Variants in ODF2 observed in about 807,000 individuals in gnomAD.
ODF2 encodes outer dense fiber of sperm tails 2.
ODF2 carries 47 observed loss-of-function variants against 110.2 expected under a neutral mutation model. That is an observed-to-expected ratio of 0.43 (90% CI 0.34 to 0.54). The LOEUF is 0.54. Among genes scored for constraint, ODF2 ranks in the 20% least tolerant of loss-of-function variants. The pLI is 0.03. For synonymous variants in ODF2, 352 were observed against 397.7 expected, an observed-to-expected ratio of 0.89 and a Z score of 1.37; for missense variants, 812 against 1,054.5, an observed-to-expected ratio of 0.77 and a Z score of 3.19.
At chr9:128,487,975 C>T (rs1476977266) in exon 14 of ODF2, 4 of 1,613,874 alleles carry the variant, frequency 2.5e-6, no homozygotes, top group African/African-American at 2.7e-5. Flanking sequence ...GAGACTACAC[C>T]GTCAGACTGC....
chr9:128,498,806 T>G (rs909836697), intron 19 of ODF2, among the ~76,000 whole-genome samples, 195 bp from the exon 20 acceptor site: 3 of 152,204 alleles, frequency 2.0e-5, no homozygotes, highest in Non-Finnish European at 4.4e-5. Context: ...AGGTGGTGAC[T>G]CCTGGAGCAC....
At chr9:128,481,551 T>C in intron 8 of ODF2, 29 bp from the exon 9 acceptor site, 1 of 1,578,294 alleles carries the variant, frequency 6.3e-7, no homozygotes, top group Non-Finnish European at 8.7e-7. Context: ...GCTTAATGAC[T>C]TGACTTTTTC....
chr9:128,477,875 AG>A (rs1841640485), intron 8 of ODF2, among the ~76,000 whole-genome samples: 2 of 152,186 alleles, frequency 1.3e-5, no homozygotes, highest in Admixed American at 6.5e-5. Flanking sequence ...CTGGGATTAC[AG>A]GGGTGAGCCA....
At chr9:128,499,001 G>A in exon 20 of ODF2, 1 of 1,613,598 alleles carries the variant, frequency 6.2e-7, no homozygotes. Flanking sequence ...GAATGTGCAG[G>A]TGGAACAAAC....
chr9:128,488,029 C>T lies in ODF2; in HGVS notation c.1536+4C>T, dbSNP rs558655725. The T allele has an allele frequency of 9.3e-6, 15 of 1,613,542 alleles. No individual in the cohort carries two copies. The African/African-American group carries it at 1.5e-4, about 16-fold the overall frequency. Reference sequence around the variant, plus strand: ...GCTGGAGAATGAGAGGCTGAAGGTTCGCAGTGAGAGCTGGGGACCAGGCAG... The same window carrying T: ...GCTGGAGAATGAGAGGCTGAAGGTTTGCAGTGAGAGCTGGGGACCAGGCAG... On this transcript the variant is annotated splice_donor_region_variant and intron_variant, in intron 14 of 20. Coordinates refer to ENST00000604420, the Ensembl canonical transcript of ODF2.
At chr9:128,500,983 T>C (rs1846379006), downstream of ODF2, 1 of 152,214 alleles carries the variant, frequency 6.6e-6, no homozygotes, top group Non-Finnish European at 1.5e-5. Context: ...TTTGATGATT[T>C]CCTTTACCCA....
chr9:128,497,504 C>T (rs1424481529), intron 18 of ODF2: 2 of 124,812 alleles, frequency 1.6e-5, no homozygotes, highest in Non-Finnish European at 3.3e-5. Context: ...ATTAGCCGGG[C>T]GCAGTGGCGG....
intron 17 of ODF2, among the ~76,000 whole-genome samples, chr9:128,495,061 G>A (rs1845352071): frequency 6.6e-6 from 1 of 152,188 alleles, no homozygotes; most frequent in Non-Finnish European, 1.5e-5. Context: ...TTTAACAGAT[G>A]CACTGCCTGA....
Position 128,485,467 on chromosome 9 carries a change from C to G in ODF2, c.1393C>G (p.Leu465Val). 1 of 1,557,742 alleles carries G rather than the reference C, an allele frequency of 6.4e-7. No homozygotes were observed. The highest frequency in any genetic ancestry group is 8.9e-7 in the Non-Finnish European group (1 of 1,129,348). ...AGACCTTGAGCTGGAAATTATTGTC[C>G]TGAATGAGTACGTCTTAGAGTAGGA... Residue 465 changes from leucine (L) to valine (V), a missense_variant, in exon 13 of 21, where the codon CTG becomes GTG. Coordinates refer to ENST00000604420, the Ensembl canonical transcript of ODF2. This position sits in a 1 kb window ranked among gnomAD's most constrained non-coding sequence, Gnocchi z 5.0.
At chr9:128,471,972 G>C (rs1339465145) in intron 6 of ODF2, among the ~76,000 whole-genome samples, 2 of 152,098 alleles carry the variant, frequency 1.3e-5, no homozygotes, top group Non-Finnish European at 2.9e-5. Context: ...GCCATGGAAA[G>C]GATTTATTTT....
At chr9:128,487,816 C>G in intron 13 of ODF2, 74 bp from the exon 14 acceptor site, 1 of 1,511,818 alleles carries the variant, frequency 6.6e-7, no homozygotes, top group Non-Finnish European at 9.1e-7. Flanking sequence ...CACACACACA[C>G]ACACACACAC....
At chr9:128,461,193 C>G in intron 4 of ODF2, 126 bp downstream of exon 4, 1 of 1,168,486 alleles carries the variant, frequency 8.6e-7, no homozygotes, top group Non-Finnish European at 1.2e-6. Flanking sequence ...TTACTGAGGG[C>G]CTTGCTAAAC....
chr9:128,477,116 C>T (rs1235312425), intron 8 of ODF2, among the ~76,000 whole-genome samples: 1 of 151,316 alleles, frequency 6.6e-6, no homozygotes, highest in African/African-American at 2.4e-5. Context: ...CCCGTAATAT[C>T]AACTACTCGG....
exon 2 of ODF2, chr9:128,457,371 C>A (rs1835164650): frequency 6.2e-7 from 1 of 1,612,744 alleles, no homozygotes; most frequent in South Asian, 1.1e-5. Flanking sequence ...GCCTGCTGAC[C>A]CAATTGCCCA....
At chr9:128,461,572 C>T (rs1475347037) in intron 4 of ODF2, among the ~76,000 whole-genome samples, 1 of 152,126 alleles carries the variant, frequency 6.6e-6, no homozygotes, top group African/African-American at 2.4e-5. Context: ...GCGCCCGCCA[C>T]CACTTACGTC....
intron 6 of ODF2, among the ~76,000 whole-genome samples, chr9:128,471,798 G>A (rs1840054510): frequency 6.6e-6 from 1 of 152,136 alleles, no homozygotes; most frequent in Non-Finnish European, 1.5e-5. Flanking sequence ...ACGCTACTCA[G>A]TGGGAACATC....
At chr9:128,492,899 C>A in intron 16 of ODF2, 94 bp downstream of exon 16, 1 of 1,112,236 alleles carries the variant, frequency 9.0e-7, no homozygotes, top group South Asian at 1.4e-5. Flanking sequence ...TTTGACCCTA[C>A]CTGATTTGGG....
At chr9:128,457,167 C>T in intron 1 of ODF2, 1 of 1,501,266 alleles carries the variant, frequency 6.7e-7, no homozygotes, top group Non-Finnish European at 8.9e-7. Context: ...CCAGGTCGCT[C>T]AGCCTCTACT....
chr9:128,469,545 C>A (rs1839184701), intron 5 of ODF2, 192 bp downstream of exon 5: 2 of 608,126 alleles, frequency 3.3e-6, no homozygotes, highest in Non-Finnish European at 5.8e-6. Flanking sequence ...CCAACAAGGG[C>A]CCTCTCTATT....
Sources: gnomAD v4.1 joint callset for allele counts (sites outside exome capture counted in the v4.1 genomes callset) on GRCh38, gnomAD v4.1.1 for gene constraint, Gnocchi (gnomAD v3.1) non-coding constraint, MANE v1.5 for transcripts, NCBI Gene and HGNC (gene_info 2026-07-23, HGNC 2026-07-21) for gene names.